The following FRMPD4 variants were observed in gnomAD, a reference collection of about 807,000 sequenced individuals.
FRMPD4 encodes FERM and PDZ domain containing 4.
Under a neutral mutation model 94.1 loss-of-function variants are expected in FRMPD4, and 22 were observed. The observed-to-expected ratio is 0.23, with a 90% confidence interval of 0.17 to 0.33. FRMPD4 has a LOEUF of 0.33. Among genes scored for constraint, FRMPD4 ranks in the 10% least tolerant of loss-of-function variants. FRMPD4 has a pLI of 1.00. For synonymous variants in FRMPD4, 631 were observed against 548.6 expected, an observed-to-expected ratio of 1.15 and a Z score of -2.10; for missense variants, 1,111 against 1,339.9, an observed-to-expected ratio of 0.83 and a Z score of 2.67.
At chrX:12,041,554 C>A (rs1046950904) in intron 3 of FRMPD4, among the ~76,000 whole-genome samples, 6 of 109,724 alleles carry the variant, frequency 5.5e-5, no homozygotes, top group Non-Finnish European at 1.1e-4. Flanking sequence ...TATCATGAGT[C>A]ATTTTTTTTT....
intron 3 of FRMPD4, among the ~76,000 whole-genome samples, chrX:12,004,232 G>A (rs2054538984): frequency 8.9e-6 from 1 of 112,080 alleles, no homozygotes; most frequent in Non-Finnish European, 1.9e-5. Flanking sequence ...TGAGGCCAAG[G>A]TCTGCCATTC....
chrX:12,030,543 A>C (rs1320590403), intron 3 of FRMPD4, among the ~76,000 whole-genome samples: 1 of 112,002 alleles, frequency 8.9e-6, no homozygotes, highest in Non-Finnish European at 1.9e-5. Context: ...AGCAGACAAC[A>C]AAAACAATAT....
At position 12,172,675 on chromosome X, in the gene FRMPD4, G is replaced by A. The variant is rs1462440806; in HGVS notation, c.41+33663G>A. 2.7e-5 allele frequency among the ~76,000 whole-genome samples: 3 copies of A among 111,877 alleles called. No homozygotes were observed. The Admixed American group carries it at 2.8e-4, about 11-fold the overall frequency. On this transcript the variant is annotated intron_variant, in intron 1 of 16. Coordinates refer to ENST00000675598, the MANE Select transcript of FRMPD4 (RefSeq NM_001368397.1). Reference sequence around the variant, plus strand: ...AGAAGAGAGAGAAACAGCAGGAGGAGTAGAAGGGAGAAAAGTCAGAGATTT... The same window carrying A: ...AGAAGAGAGAGAAACAGCAGGAGGAATAGAAGGGAGAAAAGTCAGAGATTT...
At chrX:12,432,570 G>T (rs2057021536) in intron 1 of FRMPD4, among the ~76,000 whole-genome samples, 1 of 111,725 alleles carries the variant, frequency 9.0e-6, no homozygotes, top group South Asian at 3.8e-4. Context: ...TTGGACTGAG[G>T]GGCTCAGTTC....
intron 1 of FRMPD4, among the ~76,000 whole-genome samples, chrX:12,478,440 A>T (rs2057631462): frequency 8.9e-6 from 1 of 111,735 alleles, no homozygotes. Context: ...AGCTAGGCGC[A>T]TGGTGGTGCG....
chrX:11,997,685 A>G (rs1422961283), intron 3 of FRMPD4, among the ~76,000 whole-genome samples: 1 of 111,159 alleles, frequency 9.0e-6, no homozygotes, highest in Non-Finnish European at 1.9e-5. Flanking sequence ...TGGTCATCAT[A>G]GGAGGGCAAA....
chrX:12,053,455 GAGGAA>G lies in FRMPD4; in HGVS notation c.95+175452_95+175456del, dbSNP rs199926229. On this transcript the variant is annotated intron_variant, in intron 3 of 18. Coordinates refer to the FRMPD4 transcript ENST00000640291. ...GAGAAAGAAAGAAGAGAAGAGAAGA[GAGGAA>G]AGGAAAGGAAAGGAGGAAGGAAAGA... Among the ~76,000 whole-genome samples the G allele has an allele frequency of 7.1e-3, 737 of 104,062 alleles. 16 individuals are homozygous for G. Among genetic ancestry groups the G allele is most frequent in the African/African-American group, 0.021 (581 of 28,288 alleles). 90.4% of individuals were successfully genotyped at this position (104,062 alleles called of 115,157 possible).
intron 1 of FRMPD4, among the ~76,000 whole-genome samples, chrX:12,274,388 G>T (rs1289343602): frequency 9.0e-6 from 1 of 111,205 alleles, no homozygotes; most frequent in East Asian, 2.8e-4. Context: ...AATTCACTGT[G>T]GAATAAAAAT....
chrX:11,828,226 T>C (rs2053455487), intron 1 of FRMPD4, among the ~76,000 whole-genome samples: 1 of 112,051 alleles, frequency 8.9e-6, no homozygotes, highest in Non-Finnish European at 1.9e-5. Context: ...TCCCTTCAAA[T>C]AATCTCAGGT....
intron 2 of FRMPD4, among the ~76,000 whole-genome samples, chrX:12,534,911 T>C (rs1460673489): frequency 9.0e-6 from 1 of 111,586 alleles, no homozygotes; most frequent in African/African-American, 3.3e-5. Context: ...AAGGCATGAT[T>C]GGTTTTGAAA....
chrX:12,129,137 C>G (rs1451901940), intron 3 of FRMPD4, among the ~76,000 whole-genome samples: 1 of 112,100 alleles, frequency 8.9e-6, no homozygotes, highest in African/African-American at 3.2e-5. Flanking sequence ...TTTATAGCAG[C>G]ACCCTACTAT....
At chrX:12,035,711 C>T (rs2054717040) in intron 3 of FRMPD4, among the ~76,000 whole-genome samples, 1 of 111,102 alleles carries the variant, frequency 9.0e-6, no homozygotes, top group Non-Finnish European at 1.9e-5. Context: ...AAGAGCACTG[C>T]TCTTGAATTT....
chrX:12,249,743 C>G (rs1222315333), intron 1 of FRMPD4, among the ~76,000 whole-genome samples: 2 of 111,311 alleles, frequency 1.8e-5, no homozygotes, highest in Non-Finnish European at 3.8e-5. Context: ...GAGACTTAAG[C>G]CATCAAAATC....
chrX:12,011,774 A>G (rs980505267), intron 3 of FRMPD4, among the ~76,000 whole-genome samples: 6 of 112,080 alleles, frequency 5.4e-5, no homozygotes, highest in African/African-American at 2.0e-4. Flanking sequence ...GTAAAATGCT[A>G]CATAAATATA....
chrX:11,850,629 A>G (rs1017799883), intron 1 of FRMPD4, among the ~76,000 whole-genome samples: 8 of 112,581 alleles, frequency 7.1e-5, no homozygotes, highest in African/African-American at 2.6e-4. Context: ...TTAAAAAGAA[A>G]GGAAATCCTG....
At chrX:12,634,134 G>A (rs1204173699) in intron 4 of FRMPD4, among the ~76,000 whole-genome samples, 1 of 112,009 alleles carries the variant, frequency 8.9e-6, no homozygotes, top group African/African-American at 3.2e-5. Context: ...TACCAATTCT[G>A]GGTCAAATAA....
intron 1 of FRMPD4, among the ~76,000 whole-genome samples, chrX:12,335,525 C>T (rs760841704): frequency 2.7e-5 from 3 of 111,685 alleles, no homozygotes; most frequent in Non-Finnish European, 3.8e-5. Context: ...CTACCCAACA[C>T]AAGGAATGTA....
At chrX:12,077,740 G>A (rs942776651) in intron 3 of FRMPD4, among the ~76,000 whole-genome samples, 10 of 110,113 alleles carry the variant, frequency 9.1e-5, no homozygotes, top group East Asian at 2.9e-4. Context: ...GCTGTTCCTC[G>A]CCCCAAGCAT....
intron 3 of FRMPD4, among the ~76,000 whole-genome samples, chrX:11,912,685 T>C (rs1296274488): frequency 9.0e-6 from 1 of 111,221 alleles, no homozygotes; most frequent in African/African-American, 3.3e-5. Flanking sequence ...TGTATTTTTT[T>C]AAACATGTGG....
Sources: gnomAD v4.1 joint callset for allele counts (sites outside exome capture counted in the v4.1 genomes callset) on GRCh38, gnomAD v4.1.1 for gene constraint, MANE v1.5 for transcripts, NCBI Gene and HGNC (gene_info 2026-07-23, HGNC 2026-07-21) for gene names.